NUP37: variants seen among roughly 807,000 people sequenced by gnomAD.
The protein encoded by NUP37 is nucleoporin 37.
In NUP37, 33 loss-of-function variants were observed where a neutral mutation model predicts 45.4. The observed-to-expected ratio is 0.73, with a 90% confidence interval of 0.55 to 0.97. The LOEUF is 0.97. Among genes scored for constraint, NUP37 ranks in the 50% least tolerant of loss-of-function variants. The probability of loss-of-function intolerance (pLI) is 0.00; values close to 1 mark genes in which losing one functional copy is unlikely to be tolerated. For missense variants in NUP37, 365 were observed against 389.7 expected (o/e 0.94, Z 0.53); for synonymous variants, 127 against 130.7 (o/e 0.97, Z 0.19).
intron 5 of NUP37, among the ~76,000 whole-genome samples, chr12:102,094,445 T>C (rs1293163696): frequency 6.6e-6 from 1 of 151,962 alleles, no homozygotes; most frequent in Non-Finnish European, 1.5e-5. Flanking sequence ...GTTTCCTTTT[T>C]GCTGTTTCCC....
rs757536527 is a variant in NUP37 at position 102,101,005 on chromosome 12, TAAAG to T, written c.354+23_354+26del. 17 of 1,357,074 alleles carry T rather than the reference TAAAG, an allele frequency of 1.3e-5. No homozygotes were observed. In the Admixed American group the frequency reaches 1.4e-4, roughly 11 times the overall value. 84.1% of individuals were successfully genotyped at this position (1,357,074 alleles called of 1,614,324 possible). Reference sequence around the variant, plus strand: ...AACAAACACGTTTTAAAATAAGCTCTAAAGATTTATATGGTTGTCAACATACCTT... The same window carrying T: ...AACAAACACGTTTTAAAATAAGCTCTATTTATATGGTTGTCAACATACCTT... On this transcript the variant is annotated intron_variant, in intron 4 of 9. Coordinates refer to ENST00000552283, the MANE Select transcript of NUP37 (RefSeq NM_024057.4).
chr12:102,088,373 A>G (rs1879531234), intron 5 of NUP37, among the ~76,000 whole-genome samples: 1 of 152,154 alleles, frequency 6.6e-6, no homozygotes, highest in Admixed American at 6.5e-5. Flanking sequence ...ATATATAATA[A>G]AAATACACAA....
intron 3 of NUP37, 113 bp from the exon 4 acceptor site, chr12:102,101,217 T>C (rs1879963214): frequency 1.9e-6 from 1 of 540,244 alleles, no homozygotes; most frequent in South Asian, 2.8e-5. Context: ...TAACTCATAA[T>C]CATGCTTTTT....
intron 1 of NUP37, 99 bp from the exon 2 acceptor site, chr12:102,118,682 C>T: frequency 1.7e-6 from 1 of 576,542 alleles, no homozygotes; most frequent in Non-Finnish European, 2.9e-6. Context: ...AGACAGAAAG[C>T]TCAAAAGAAA....
chr12:102,119,567 G>A (rs965650932), intron 1 of NUP37: 27 of 152,086 alleles, frequency 1.8e-4, no homozygotes, highest in African/African-American at 6.3e-4. Flanking sequence ...GAAAACAGCT[G>A]GACTCAGTAA....
At chr12:102,080,142 T>A (rs1879292784) in intron 6 of NUP37, among the ~76,000 whole-genome samples, 1 of 152,108 alleles carries the variant, frequency 6.6e-6, no homozygotes, top group Non-Finnish European at 1.5e-5. Context: ...AAGAGAATTA[T>A]GAAAAAATCA....
intron 4 of NUP37, among the ~76,000 whole-genome samples, chr12:102,099,836 C>G (rs1410541289): frequency 6.6e-6 from 1 of 152,138 alleles, no homozygotes; most frequent in Non-Finnish European, 1.5e-5. Flanking sequence ...TAGTTGAAAT[C>G]CTAAATAGGC....
chr12:102,084,940 G>A (rs1014493985), intron 6 of NUP37, among the ~76,000 whole-genome samples: 64 of 152,316 alleles, frequency 4.2e-4, no homozygotes, highest in African/African-American at 1.5e-3. Flanking sequence ...ATTAAGGGTA[G>A]TTGATAATAA....
intron 9 of NUP37, 88 bp from the exon 10 acceptor site, chr12:102,074,555 A>T: frequency 1.3e-6 from 1 of 765,844 alleles, no homozygotes; most frequent in Non-Finnish European, 2.2e-6. Flanking sequence ...AAATGCATTG[A>T]TGATTTATCT....
intron 6 of NUP37, among the ~76,000 whole-genome samples, chr12:102,081,335 A>T (rs759068498): frequency 1.1e-4 from 16 of 152,204 alleles, no homozygotes; most frequent in Non-Finnish European, 1.6e-4. Flanking sequence ...GGGTGATAAG[A>T]ACAGATAGGG....
chr12:102,118,126 T>C (rs1484329002), intron 2 of NUP37, among the ~76,000 whole-genome samples: 1 of 152,214 alleles, frequency 6.6e-6, no homozygotes, highest in Non-Finnish European at 1.5e-5. Context: ...TATCAGAATA[T>C]TCCATTAATG....
In NUP37 at chr12:102,073,197, G is replaced by A. The variant is rs1879079133; in HGVS notation, c.*1157C>T. 6.6e-6 allele frequency: 1 copy of A among 152,132 alleles called. No homozygotes were observed. Among genetic ancestry groups the A allele is most frequent in the South Asian group, 2.1e-4 (1 of 4,830 alleles). 9.4% of individuals were successfully genotyped at this position (152,132 alleles called of 1,614,324 possible). On this transcript the variant is annotated 3_prime_UTR_variant, in exon 10 of 10. Coordinates refer to ENST00000552283, the MANE Select transcript of NUP37 (RefSeq NM_024057.4). ...AAGAGGAAATGAAGCTTCAAAAAGGGCATTAACTTGCAGGAATGGGCAGTT... is the reference window on the plus strand; with the variant it reads ...AAGAGGAAATGAAGCTTCAAAAAGGACATTAACTTGCAGGAATGGGCAGTT...
chr12:102,077,455 C>A lies in NUP37; in HGVS notation c.589G>T (p.Ala197Ser). The part of the protein sequence containing the change: ...NGTIRFYDLL[A>S]QQAILSLESE... ...TCAAGAGATAAAATAGCCTGTTGGG[C>A]CAAAAGATCATAAAACCGGATTGTT... Residue 197 changes from alanine to serine, a missense_variant, in exon 7 of 10, where the codon GCC becomes TCC. Transcript: ENST00000552283. 1 of 1,613,886 alleles carries A rather than the reference C, an allele frequency of 6.2e-7. No individual in the cohort carries two copies. The highest frequency in any genetic ancestry group is 8.5e-7 in the Non-Finnish European group (1 of 1,179,984).
At chr12:102,099,037 C>A in intron 5 of NUP37, 69 bp downstream of exon 5, 2 of 1,021,480 alleles carry the variant, frequency 2.0e-6, no homozygotes, top group East Asian at 2.5e-5. Context: ...ATTTTTTTTT[C>A]TCATTTTAAA....
At chr12:102,111,096 G>A (rs1284532378) in intron 3 of NUP37, among the ~76,000 whole-genome samples, 1 of 152,082 alleles carries the variant, frequency 6.6e-6, no homozygotes, top group African/African-American at 2.4e-5. Context: ...AACAGACTAT[G>A]GTCTATTGAT....
chr12:102,076,704 C>T, intron 8 of NUP37, 93 bp downstream of exon 8: 2 of 970,204 alleles, frequency 2.1e-6, no homozygotes, highest in East Asian at 2.6e-5. Flanking sequence ...AAAAAAAAAT[C>T]CAGTGCAAAG....
At position 102,077,239 on chromosome 12, in the gene NUP37, A is replaced by G. The variant is rs774470212; in HGVS notation, c.722+83T>C. On this transcript the variant is annotated intron_variant, in intron 7 of 9. Transcript: ENST00000552283. ...TTCGCTTGACAGCATAGTCTCAGGT[A>G]TAACAGGATGGATGAGTGGATCATT... The G allele has an allele frequency of 3.6e-6, 5 of 1,386,062 alleles. No homozygotes were observed. The South Asian group carries it at 5.8e-5, about 16-fold the overall frequency. The allele number at this position is 1,386,062 out of a possible 1,614,324, so 85.9% of individuals were successfully genotyped here.
At chr12:102,103,535 C>T (rs1594396467) in intron 3 of NUP37, among the ~76,000 whole-genome samples, 1 of 152,120 alleles carries the variant, frequency 6.6e-6, no homozygotes, top group Non-Finnish European at 1.5e-5. Flanking sequence ...AGGAAACAGA[C>T]AATTTAACTT....
chr12:102,093,585 TTAAC>T (rs1879719304), intron 5 of NUP37, among the ~76,000 whole-genome samples: 2 of 152,222 alleles, frequency 1.3e-5, no homozygotes, highest in South Asian at 4.1e-4. Flanking sequence ...GGCTTTTTCT[TTAAC>T]TAACATAAGC....
Sources: gnomAD v4.1 joint callset for allele counts (sites outside exome capture counted in the v4.1 genomes callset) on GRCh38, gnomAD v4.1.1 for gene constraint, MANE v1.5 for transcripts, NCBI Gene and HGNC (gene_info 2026-07-23, HGNC 2026-07-21) for gene names.